Variants in PAMR1 observed in about 807,000 individuals in gnomAD.
PAMR1 encodes peptidase domain containing associated with muscle regeneration 1.
Under a neutral mutation model 81.8 loss-of-function variants are expected in PAMR1, and 88 were observed. That is an observed-to-expected ratio of 1.08 (90% CI 0.91 to 1.28). The LOEUF is 1.28. Among genes scored for constraint, PAMR1 ranks in the 50% most tolerant of loss-of-function variants. The probability of loss-of-function intolerance (pLI) is 0.00; values close to 1 mark genes in which losing one functional copy is unlikely to be tolerated. For missense variants in PAMR1, 935 were observed against 919.7 expected, an observed-to-expected ratio of 1.02 and a Z score of -0.21; for synonymous variants, 336 against 345.3, an observed-to-expected ratio of 0.97 and a Z score of 0.30.
chr11:35,460,568 A>G (rs935994393), intron 6 of PAMR1, among the ~76,000 whole-genome samples: 2 of 152,078 alleles, frequency 1.3e-5, no homozygotes, highest in African/African-American at 4.8e-5. Flanking sequence ...GAGTGAGAAC[A>G]TGCATGTTTG....
intron 1 of PAMR1, among the ~76,000 whole-genome samples, chr11:35,522,439 G>A (rs1851303300): frequency 6.6e-6 from 1 of 152,064 alleles, no homozygotes; most frequent in Admixed American, 6.6e-5. Context: ...CATATAAGTG[G>A]CATCACAGAA....
In PAMR1 at chr11:35,514,909, G is replaced by A. The variant is rs1851135477; in HGVS notation, c.73+10604C>T. Among the ~76,000 whole-genome samples, 3 of 152,164 alleles carry A rather than the reference G, an allele frequency of 2.0e-5. No homozygotes were observed. In the South Asian group the frequency reaches 6.2e-4, roughly 31 times the overall value. On this transcript the variant is annotated intron_variant, in intron 1 of 10. Transcript: ENST00000619888. ...GGTCCCAGCTACTCAGGAAGCTGAG[G>A]TGGGAGGATCACTCGAGCCCAGCAG...
chr11:35,508,343 T>C lies in PAMR1; in HGVS notation c.74-14071A>G, dbSNP rs138144169. 1.9e-3 allele frequency among the ~76,000 whole-genome samples: 291 copies of C among 152,212 alleles called. 1 individual carries two copies. Among genetic ancestry groups the C allele is most frequent in the African/African-American group, 6.6e-3 (276 of 41,536 alleles). On this transcript the variant is annotated intron_variant, in intron 1 of 10. Transcript: ENST00000619888. ...ATATGGAAGTTCAATTCTCTTACCA[T>C]CTGCTCAGAGTTTTTTCACTTCTCT...
chr11:35,529,836 A>T (rs1851437854), upstream of PAMR1: 1 of 152,220 alleles, frequency 6.6e-6, no homozygotes, highest in African/African-American at 2.4e-5. Flanking sequence ...ACTAATAATC[A>T]GCATCAGGAA....
At chr11:35,455,104 G>A (rs1162925586) in intron 6 of PAMR1, among the ~76,000 whole-genome samples, 1 of 152,188 alleles carries the variant, frequency 6.6e-6, no homozygotes, top group Middle Eastern at 3.2e-3. Flanking sequence ...TTCAAAGCAA[G>A]TAAAGTGACA....
intron 5 of PAMR1, among the ~76,000 whole-genome samples, chr11:35,469,186 G>T (rs1259791696): frequency 6.6e-6 from 1 of 152,230 alleles, no homozygotes; most frequent in African/African-American, 2.4e-5. Context: ...TGTGCAGGTT[G>T]CAGACAGGTG....
chr11:35,434,686 C>A lies in PAMR1; in HGVS notation c.1452G>T (p.Ala484=), dbSNP rs537281348. 6 of 1,614,102 alleles carry A rather than the reference C, an allele frequency of 3.7e-6. No homozygotes were observed. In the East Asian group the frequency reaches 1.3e-4, roughly 36 times the overall value. Residue 484 remains alanine (A), a synonymous_variant, in exon 10 of 11, where the codon GCG becomes GCT. Transcript: ENST00000619888. ...GVHDGSLHKG[A]WFLVCSGALV... Reference sequence around the variant, plus strand: ...GGGCACCGCTGCAGACTAGGAACCACGCTCCCTTGTGTAGGCTGCCGTCAT... The same window carrying A: ...GGGCACCGCTGCAGACTAGGAACCAAGCTCCCTTGTGTAGGCTGCCGTCAT...
chr11:35,436,690 A>T (rs1436893628), intron 8 of PAMR1, among the ~76,000 whole-genome samples: 1 of 149,202 alleles, frequency 6.7e-6, no homozygotes, highest in Non-Finnish European at 1.5e-5. Context: ...ACACACACAC[A>T]CTTTGCCTCT....
chr11:35,495,135 T>C (rs539831477), intron 1 of PAMR1, among the ~76,000 whole-genome samples: 5 of 152,230 alleles, frequency 3.3e-5, no homozygotes, highest in Non-Finnish European at 7.3e-5. Flanking sequence ...AATTGCCAAG[T>C]AGAGACTATG....
Position 35,486,297 on chromosome 11 carries a change from A to G in PAMR1, c.379+5748T>C, listed in dbSNP as rs187339490. 4.3e-3 allele frequency among the ~76,000 whole-genome samples: 654 copies of G among 152,360 alleles called. 5 individuals are homozygous for G. Among genetic ancestry groups the G allele is most frequent in the Middle Eastern group, 0.014 (4 of 294 alleles). On this transcript the variant is annotated intron_variant, in intron 3 of 10. Coordinates refer to ENST00000619888, the MANE Select transcript of PAMR1 (RefSeq NM_001001991.3). ...TGAACAAGCAAAACTGAACCAACAC[A>G]GATCGGATAGAATCTGACCATTAGT...
chr11:35,481,403 T>C (rs1434368258), intron 3 of PAMR1, among the ~76,000 whole-genome samples: 1 of 152,232 alleles, frequency 6.6e-6, no homozygotes, highest in Non-Finnish European at 1.5e-5. Context: ...CCATTCTGAC[T>C]GGCATGAGAT....
At chr11:35,489,992 A>G (rs1420684441) in intron 3 of PAMR1, among the ~76,000 whole-genome samples, 12 of 152,238 alleles carry the variant, frequency 7.9e-5, no homozygotes, top group Admixed American at 7.9e-4. Context: ...AGACTGGGTA[A>G]TTTGTAAAGG....
intron 6 of PAMR1, among the ~76,000 whole-genome samples, chr11:35,444,638 A>C (rs1013375467): frequency 6.6e-6 from 1 of 152,136 alleles, no homozygotes; most frequent in Non-Finnish European, 1.5e-5. Flanking sequence ...GGTTTGTCGA[A>C]GATCAGATGG....
In PAMR1 at chr11:35,441,472, G is replaced by T. The variant is rs1446367522; in HGVS notation, c.1033+9C>A. On this transcript the variant is annotated intron_variant, in intron 7 of 10. Transcript: ENST00000619888. ...ATGTCCGTAGACTTCAGAAACAATT[G>T]TAAGTTACCTTTTATGCAGATGGGC... The T allele has an allele frequency of 6.2e-7, 1 of 1,601,496 alleles. No homozygotes were observed. The highest frequency in any genetic ancestry group is 8.5e-7 in the Non-Finnish European group (1 of 1,170,568).
At chr11:35,461,297 C>A (rs1856649085) in intron 6 of PAMR1, among the ~76,000 whole-genome samples, 1 of 152,208 alleles carries the variant, frequency 6.6e-6, no homozygotes, top group Admixed American at 6.5e-5. Flanking sequence ...GCCCTTTCAA[C>A]ACTGATGGGT....
At chr11:35,446,858 G>T (rs1268771510) in intron 6 of PAMR1, among the ~76,000 whole-genome samples, 1 of 152,116 alleles carries the variant, frequency 6.6e-6, no homozygotes, top group Admixed American at 6.6e-5. Flanking sequence ...GGTCCACTTG[G>T]TCCAGAGCTG....
At chr11:35,501,000 C>T (rs1257057356) in intron 1 of PAMR1, among the ~76,000 whole-genome samples, 2 of 152,122 alleles carry the variant, frequency 1.3e-5, no homozygotes, top group African/African-American at 4.8e-5. Flanking sequence ...AGGCCTAGGA[C>T]ATCACTGTAC....
chr11:35,449,021 C>A (rs1856356015), intron 6 of PAMR1, among the ~76,000 whole-genome samples: 1 of 152,236 alleles, frequency 6.6e-6, no homozygotes, highest in Non-Finnish European at 1.5e-5. Flanking sequence ...CCTCCAGGAG[C>A]TCCATCCCAC....
chr11:35,482,701 G>T (rs620750), intron 3 of PAMR1, among the ~76,000 whole-genome samples: 125,999 of 152,202 alleles, frequency 0.83, 52,277 homozygotes, highest in African/African-American at 0.84. Flanking sequence ...TTGTGTCCTC[G>T]CTCATTTCCT....
Sources: allele counts gnomAD v4.1 joint callset (sites outside exome capture counted in the v4.1 genomes callset), GRCh38; gene constraint gnomAD v4.1.1; transcripts MANE v1.5; gene names NCBI Gene and HGNC (gene_info 2026-07-23, HGNC 2026-07-21).